Variants in PPP1R21 observed in about 807,000 individuals in gnomAD.
The protein encoded by PPP1R21 is protein phosphatase 1 regulatory subunit 21, also known as KLRAQ motif containing 1.
In PPP1R21, 85 loss-of-function variants were observed where a neutral mutation model predicts 112.8. The ratio of observed to expected loss-of-function variants is 0.75; its 90% confidence interval spans 0.63 to 0.90. The LOEUF (loss-of-function observed/expected upper bound fraction) is 0.90. PPP1R21 is among the 40% of genes least tolerant of loss of function. The pLI, the probability that PPP1R21 is intolerant of heterozygous loss-of-function variation, is 0.00. For missense variants in PPP1R21, 1,199 were observed against 901.5 expected, an observed-to-expected ratio of 1.33 and a Z score of -4.23; for synonymous variants, 381 against 322.3, an observed-to-expected ratio of 1.18 and a Z score of -1.95.
intron 2 of PPP1R21, 80 bp from the exon 3 acceptor site, chr2:48,454,515 G>A (rs1667624905): frequency 6.6e-7 from 1 of 1,522,986 alleles, no homozygotes; most frequent in Non-Finnish European, 8.9e-7. Flanking sequence ...ATATTTTGGT[G>A]AAATAGAAAT....
chr2:48,483,753 T>C (rs1669142552), intron 13 of PPP1R21, among the ~76,000 whole-genome samples: 1 of 152,220 alleles, frequency 6.6e-6, no homozygotes, highest in African/African-American at 2.4e-5. Context: ...AGTGTCTTTA[T>C]TTTAAATGCT....
intron 16 of PPP1R21, among the ~76,000 whole-genome samples, chr2:48,497,083 T>G (rs1001834147): frequency 6.6e-6 from 1 of 152,238 alleles, no homozygotes; most frequent in Non-Finnish European, 1.5e-5. Flanking sequence ...TAAAGCCGGT[T>G]AGTCACAAGT....
chr2:48,488,919 A>T (rs1029384094), intron 14 of PPP1R21, among the ~76,000 whole-genome samples: 1 of 152,216 alleles, frequency 6.6e-6, no homozygotes, highest in African/African-American at 2.4e-5. Context: ...GAAACCTCAC[A>T]ATGTACTACC....
At chr2:48,445,818 A>G (rs1667221334) in intron 1 of PPP1R21, among the ~76,000 whole-genome samples, 2 of 152,202 alleles carry the variant, frequency 1.3e-5, no homozygotes, top group South Asian at 4.1e-4. Context: ...GCCTGCACAT[A>G]CTTTATCCCT....
At chr2:48,487,820 T>C (rs1244429886) in intron 14 of PPP1R21, among the ~76,000 whole-genome samples, 1 of 151,834 alleles carries the variant, frequency 6.6e-6, no homozygotes, top group Non-Finnish European at 1.5e-5. Context: ...GCAGAAGTTA[T>C]ATTCTCAGAG....
intron 1 of PPP1R21, among the ~76,000 whole-genome samples, chr2:48,442,972 A>G (rs1438946797): frequency 6.6e-6 from 1 of 152,150 alleles, no homozygotes; most frequent in Non-Finnish European, 1.5e-5. Context: ...ATAGGGAAAG[A>G]TTGGTGGGAA....
chr2:48,509,873 A>G (rs142763749), intron 19 of PPP1R21, 142 bp from the exon 20 acceptor site: 420 of 534,646 alleles, frequency 7.9e-4, no homozygotes, highest in African/African-American at 7.1e-3. Context: ...GTGTGACACA[A>G]TGCCTATAGG....
chr2:48,479,416 G>A, intron 12 of PPP1R21: 1 of 461,536 alleles, frequency 2.2e-6, no homozygotes, highest in South Asian at 1.6e-5. Flanking sequence ...AGTAAATCAT[G>A]TGCTGTGTTG....
chr2:48,512,950 A>G (rs1411053271), intron 21 of PPP1R21, among the ~76,000 whole-genome samples: 1 of 152,210 alleles, frequency 6.6e-6, no homozygotes, highest in Non-Finnish European at 1.5e-5. Context: ...AAATACACAC[A>G]TTGAAGAGGT....
chr2:48,453,103 AC>A (rs1191042010), intron 2 of PPP1R21, among the ~76,000 whole-genome samples: 5 of 151,918 alleles, frequency 3.3e-5, no homozygotes. Flanking sequence ...ACAGGCGTGC[AC>A]CACCCTGCCT....
At chr2:48,513,661 T>A (rs1387121272) in intron 21 of PPP1R21, among the ~76,000 whole-genome samples, 1 of 152,200 alleles carries the variant, frequency 6.6e-6, no homozygotes, top group Non-Finnish European at 1.5e-5. Flanking sequence ...TTTACATTGC[T>A]ATAGCATCAT....
intron 13 of PPP1R21, among the ~76,000 whole-genome samples, 185 bp from the exon 14 acceptor site, chr2:48,486,446 C>G (rs1276442072): frequency 6.6e-6 from 1 of 152,162 alleles, no homozygotes; most frequent in Non-Finnish European, 1.5e-5. Flanking sequence ...CCTTACTTCT[C>G]TCTGTTCTTT....
chr2:48,455,619 TA>T (rs1667686408), intron 3 of PPP1R21, among the ~76,000 whole-genome samples: 1 of 152,208 alleles, frequency 6.6e-6, no homozygotes, highest in Admixed American at 6.5e-5. Context: ...TGGAATATCT[TA>T]TATTAGCTAA....
intron 19 of PPP1R21, 92 bp downstream of exon 19, chr2:48,507,477 G>T: frequency 1.3e-6 from 2 of 1,518,068 alleles, no homozygotes; most frequent in South Asian, 1.3e-5. Context: ...CACTGTAAGA[G>T]AGAAGTCAGT....
In PPP1R21 at chr2:48,472,451, C is replaced by T. The variant is rs556858489; in HGVS notation, c.1088+1084C>T. 1.9e-4 allele frequency among the ~76,000 whole-genome samples: 29 copies of T among 150,654 alleles called. No individual in the cohort carries two copies. The South Asian group carries it at 2.5e-3, about 13-fold the overall frequency. On this transcript the variant is annotated intron_variant, in intron 11 of 21. Transcript: ENST00000294952. Reference sequence around the variant, plus strand: ...GATCAGCCTTGCCAACATGGCAAAACCCTGTTTCTACTAAAAATACAAAAA... The same window carrying T: ...GATCAGCCTTGCCAACATGGCAAAATCCTGTTTCTACTAAAAATACAAAAA...
At position 48,454,681 on chromosome 2, in the gene PPP1R21, G is replaced by C; in HGVS notation, c.213G>C (p.Lys71Asn). ...CATTTCGAAATCTGCAGCTTGCCAA[G>C]AGGGTAGAACTACTTCAAGATGAAC... is the stretch of plus-strand genomic sequence containing the variant. ...SLTFRNLQLA[K>N]RVELLQDELA... Residue 71 changes from lysine (K) to asparagine (N), a missense_variant, in exon 3 of 22, where the codon AAG becomes AAC. Coordinates refer to ENST00000294952, the MANE Select transcript of PPP1R21 (RefSeq NM_001135629.3). 1 of 1,614,158 alleles carries C rather than the reference G, an allele frequency of 6.2e-7. No individual in the cohort carries two copies.
At chr2:48,458,087 G>C in intron 3 of PPP1R21, 39 bp from the exon 4 acceptor site, 1 of 1,351,496 alleles carries the variant, frequency 7.4e-7, no homozygotes, top group Non-Finnish European at 1.1e-6. Flanking sequence ...TTCTCTAAAG[G>C]ATGAAAGTTA....
chr2:48,515,119 T>C lies in PPP1R21; in HGVS notation c.*375T>C, dbSNP rs1670815161. ...ATTTGGTATCTATGGAATAGATATATGTTTCTGGAAAAAAATGCTTAAATT... is the reference window on the plus strand; with the variant it reads ...ATTTGGTATCTATGGAATAGATATACGTTTCTGGAAAAAAATGCTTAAATT... On this transcript the variant is annotated 3_prime_UTR_variant, in exon 22 of 22. Coordinates refer to ENST00000294952, the MANE Select transcript of PPP1R21 (RefSeq NM_001135629.3). 1 of 181,456 alleles carries C rather than the reference T, an allele frequency of 5.5e-6. No homozygotes were observed. Among genetic ancestry groups the C allele is most frequent in the East Asian group, 1.4e-4 (1 of 7,046 alleles). The allele number at this position is 181,456 out of a possible 1,614,324, so 11.2% of individuals were successfully genotyped here. A position where few individuals can be genotyped will look rare whatever the true frequency, so the allele number is the denominator to read the frequency against.
intron 2 of PPP1R21, 126 bp downstream of exon 2, chr2:48,451,202 T>A: frequency 1.4e-6 from 1 of 697,236 alleles, no homozygotes; most frequent in Non-Finnish European, 2.6e-6. Context: ...TAGGGGACAG[T>A]AATACAGTCT....
Sources: gnomAD v4.1 joint callset for allele counts (sites outside exome capture counted in the v4.1 genomes callset) on GRCh38, gnomAD v4.1.1 for gene constraint, MANE v1.5 for transcripts, NCBI Gene and HGNC (gene_info 2026-07-23, HGNC 2026-07-21) for gene names.